The following COL23A1 variants were observed in gnomAD, a reference collection of about 807,000 sequenced individuals.
COL23A1 encodes the protein collagen alpha-1(XXIII) chain.
COL23A1 carries 97 observed loss-of-function variants against 99.3 expected under a neutral mutation model. The observed-to-expected ratio is 0.98, with a 90% CI of 0.83 to 1.16. The LOEUF is 1.16. Among genes scored for constraint, COL23A1 ranks in the 50% most tolerant of loss-of-function variants. The pLI is 0.00. For synonymous variants in COL23A1, 320 were observed against 308.2 expected, an observed-to-expected ratio of 1.04 and a Z score of -0.40; for missense variants, 762 against 757.4, an observed-to-expected ratio of 1.01 and a Z score of -0.07.
intron 2 of COL23A1, among the ~76,000 whole-genome samples, chr5:178,523,257 C>CAGAG (rs70997610): frequency 1.0e-4 from 11 of 108,352 alleles, no homozygotes; most frequent in East Asian, 2.4e-4. Flanking sequence ...GAGAGAGAGA[C>CAGAG]AGAGAGAGAG....
intron 2 of COL23A1, among the ~76,000 whole-genome samples, chr5:178,483,486 C>G (rs1757449119): frequency 6.6e-6 from 1 of 152,168 alleles, no homozygotes; most frequent in Non-Finnish European, 1.5e-5. Flanking sequence ...TCCTGGCTTT[C>G]CAGCACCCCA....
intron 2 of COL23A1, among the ~76,000 whole-genome samples, chr5:178,511,032 CAA>C (rs1491446542): frequency 6.6e-5 from 10 of 152,114 alleles, no homozygotes; most frequent in African/African-American, 4.8e-5. Context: ...TATAGGCAAA[CAA>C]GAGCTAAAAA....
In COL23A1 at chr5:178,387,766, T is replaced by C. The variant is rs540416654; in HGVS notation, c.362-80847A>G. Among the ~76,000 whole-genome samples, 1 of 152,006 alleles carries C rather than the reference T, an allele frequency of 6.6e-6. No homozygotes were observed. The highest frequency in any genetic ancestry group is 1.5e-5 in the Non-Finnish European group (1 of 68,036). ...GTCTGAGTTCTCCCTACAGACAGTG[T>C]GGGCCATTTTCCCCCGCGCTGTGCT... On this transcript the variant is annotated intron_variant, in intron 2 of 28. Transcript: ENST00000390654. The surrounding 1 kb of genome is among the most constrained non-coding windows in gnomAD (Gnocchi z 4.7).
At chr5:178,358,733 ATG>A (rs1762010444) in intron 2 of COL23A1, among the ~76,000 whole-genome samples, 2 of 122,052 alleles carry the variant, frequency 1.6e-5, no homozygotes, top group African/African-American at 2.8e-5. Flanking sequence ...GTATGTGTGT[ATG>A]TGTATCTGTG....
intron 2 of COL23A1, among the ~76,000 whole-genome samples, chr5:178,317,087 C>A (rs1285676866): frequency 6.6e-6 from 1 of 152,204 alleles, no homozygotes; most frequent in African/African-American, 2.4e-5. Context: ...TAAATAAATA[C>A]ATTCATAAAT....
intron 8 of COL23A1, among the ~76,000 whole-genome samples, chr5:178,267,092 C>A (rs905161270): frequency 3.9e-5 from 6 of 152,216 alleles, no homozygotes; most frequent in African/African-American, 1.4e-4. Flanking sequence ...GAGACCTGGC[C>A]GTCTTCCAGA....
intron 1 of COL23A1, among the ~76,000 whole-genome samples, chr5:178,563,859 C>T (rs771920353): frequency 6.6e-6 from 1 of 152,080 alleles, no homozygotes; most frequent in Non-Finnish European, 1.5e-5. Context: ...CCATTGTATT[C>T]GCAGATATTA....
At chr5:178,552,951 C>G (rs1297994869) in intron 2 of COL23A1, among the ~76,000 whole-genome samples, 1 of 151,992 alleles carries the variant, frequency 6.6e-6, no homozygotes, top group African/African-American at 2.4e-5. Context: ...CTTGTGATCC[C>G]CCCGCCTTGG....
At chr5:178,258,502 T>A (rs1358589795) in intron 12 of COL23A1, among the ~76,000 whole-genome samples, 1 of 148,958 alleles carries the variant, frequency 6.7e-6, no homozygotes, top group Non-Finnish European at 1.5e-5. Context: ...TTCACGCCAT[T>A]CTCCTGTCTC....
chr5:178,484,348 C>T (rs905805957), intron 2 of COL23A1, among the ~76,000 whole-genome samples: 5 of 152,234 alleles, frequency 3.3e-5, no homozygotes, highest in African/African-American at 4.8e-5. Context: ...GTTGAAAGAA[C>T]GAAGATTGGG....
chr5:178,356,701 G>A (rs1262717580), intron 2 of COL23A1, among the ~76,000 whole-genome samples: 1 of 152,182 alleles, frequency 6.6e-6, no homozygotes, highest in Non-Finnish European at 1.5e-5. Context: ...GAGCAGAGCC[G>A]GCTTGGCTGC....
rs140421388 is a variant in COL23A1 at position 178,248,029 on chromosome 5, T to C, written c.1212+163A>G. On this transcript the variant is annotated intron_variant, in intron 20 of 28. Coordinates refer to ENST00000390654, the MANE Select transcript of COL23A1 (RefSeq NM_173465.4). ...CCACTGCACTCCAGCCTGGGAGACA[T>C]GGTGAGACTCTGTTCTCAGAGGGGT... is the stretch of plus-strand genomic sequence containing the variant. 5.6e-3 allele frequency among the ~76,000 whole-genome samples: 846 copies of C among 152,266 alleles called. 8 individuals are homozygous for C. The highest frequency in any genetic ancestry group is 0.019 in the African/African-American group (795 of 41,576).
intron 2 of COL23A1, among the ~76,000 whole-genome samples, chr5:178,467,513 T>G (rs1274618147): frequency 1.3e-5 from 2 of 152,126 alleles, no homozygotes; most frequent in African/African-American, 2.4e-5. Context: ...CTAATAGCTA[T>G]GTGTGTTGTC....
chr5:178,421,629 G>A (rs1056383132), intron 2 of COL23A1, among the ~76,000 whole-genome samples: 1 of 152,178 alleles, frequency 6.6e-6, no homozygotes, highest in African/African-American at 2.4e-5. Flanking sequence ...AGCACTTTGG[G>A]AGGCTGAGGC....
chr5:178,473,528 G>A (rs905830306), intron 2 of COL23A1, among the ~76,000 whole-genome samples: 1 of 147,618 alleles, frequency 6.8e-6, no homozygotes, highest in African/African-American at 2.5e-5. Flanking sequence ...TGCCCAGGCT[G>A]GTCTTGAACT....
intron 2 of COL23A1, among the ~76,000 whole-genome samples, chr5:178,363,185 CG>C (rs1291432409): frequency 1.3e-5 from 2 of 151,932 alleles, no homozygotes; most frequent in Non-Finnish European, 2.9e-5. Context: ...AACATAACTG[CG>C]GGGCACTAAG....
chr5:178,318,060 C>T (rs569596022), intron 2 of COL23A1, among the ~76,000 whole-genome samples: 44 of 152,206 alleles, frequency 2.9e-4, no homozygotes, highest in African/African-American at 1.0e-3. Flanking sequence ...ACAGCCACAC[C>T]GTATCAGGGA....
At chr5:178,558,592 C>T (rs1161359826) in intron 2 of COL23A1, among the ~76,000 whole-genome samples, 1 of 152,090 alleles carries the variant, frequency 6.6e-6, no homozygotes, top group Non-Finnish European at 1.5e-5. Context: ...TGGTTGCTGG[C>T]GGCAACCCAC....
At chr5:178,349,134 G>A (rs892121407) in intron 2 of COL23A1, among the ~76,000 whole-genome samples, 3 of 152,182 alleles carry the variant, frequency 2.0e-5, no homozygotes, top group African/African-American at 4.8e-5. Flanking sequence ...TGATTGATGC[G>A]GAGAAAAACA....
Sources: allele counts gnomAD v4.1 joint callset (sites outside exome capture counted in the v4.1 genomes callset), GRCh38; gene constraint gnomAD v4.1.1; non-coding constraint Gnocchi (gnomAD v3.1); transcripts MANE v1.5; gene names NCBI Gene and HGNC (gene_info 2026-07-23, HGNC 2026-07-21).